PHACTR3: variants seen among roughly 807,000 people sequenced by gnomAD.
The protein encoded by PHACTR3 is phosphatase and actin regulator 3, also known as protein phosphatase 1, regulatory subunit 123.
PHACTR3 carries 16 observed loss-of-function variants against 66.8 expected under a neutral mutation model. The ratio of observed to expected loss-of-function variants is 0.24; its 90% CI spans 0.16 to 0.36. The LOEUF (loss-of-function observed/expected upper bound fraction) is 0.36, where lower values mean the gene tolerates loss of function less well. Among genes scored for constraint, PHACTR3 ranks in the 10% least tolerant of loss-of-function variants. The pLI is 1.00. For missense variants in PHACTR3, 647 were observed against 719.9 expected, an observed-to-expected ratio of 0.90 and a Z score of 1.16; for synonymous variants, 323 against 292.1, an observed-to-expected ratio of 1.11 and a Z score of -1.08.
intron 1 of PHACTR3, chr20:59,577,752 C>T (rs2032754702): frequency 1.9e-6 from 1 of 530,786 alleles, no homozygotes; most frequent in African/African-American, 2.0e-5. Flanking sequence ...CCGCTGCGCC[C>T]CCAGCCACAG....
chr20:59,637,798 C>T (rs764455131), intron 1 of PHACTR3, among the ~76,000 whole-genome samples: 1 of 151,486 alleles, frequency 6.6e-6, no homozygotes, highest in East Asian at 1.9e-4. Flanking sequence ...TCTTTTTGCT[C>T]GTTGAGAAGT....
chr20:59,634,282 C>T (rs1009235226), intron 1 of PHACTR3, among the ~76,000 whole-genome samples: 1 of 152,152 alleles, frequency 6.6e-6, no homozygotes, highest in Non-Finnish European at 1.5e-5. Context: ...GGTGTGAATC[C>T]CAGCCTCTGC....
chr20:59,816,270 G>A (rs2041885188), intron 8 of PHACTR3, among the ~76,000 whole-genome samples: 1 of 152,156 alleles, frequency 6.6e-6, no homozygotes, highest in African/African-American at 2.4e-5. Flanking sequence ...TGGAGCTAAG[G>A]CAGTAATGCT....
At chr20:59,626,902 C>T (rs915152103) in intron 1 of PHACTR3, 12 of 152,134 alleles carry the variant, frequency 7.9e-5, no homozygotes, top group African/African-American at 2.2e-4. Context: ...GGGTGATGAG[C>T]GCTGTATTGG....
At chr20:59,714,977 G>A (rs1374826062) in intron 1 of PHACTR3, among the ~76,000 whole-genome samples, 1 of 151,892 alleles carries the variant, frequency 6.6e-6, no homozygotes. Flanking sequence ...TAATTCTTTG[G>A]TTCTGGCATA....
At chr20:59,788,401 G>A (rs6100592) in intron 7 of PHACTR3, among the ~76,000 whole-genome samples, 148,375 of 152,176 alleles carry the variant, frequency 0.98, 72,365 homozygotes, top group East Asian at 1. Flanking sequence ...TGCCCCCCAC[G>A]CCTGGCAGCC....
intron 7 of PHACTR3, among the ~76,000 whole-genome samples, chr20:59,794,971 T>C (rs1023711648): frequency 5.3e-5 from 8 of 152,176 alleles, no homozygotes; most frequent in African/African-American, 1.9e-4. Context: ...CATTTGTTAA[T>C]CTTTTGTATT....
intron 1 of PHACTR3, among the ~76,000 whole-genome samples, chr20:59,675,018 ATTCTCCTCCCTGTTCCTCCCCC>A (rs2036402725): frequency 6.3e-5 from 3 of 47,770 alleles, no homozygotes; most frequent in South Asian, 1.1e-3. Context: ...GTTCCTCCCC[ATTCTCCTCCCTGTTCCTCCCCC>A]TTCTCCTCCC....
intron 8 of PHACTR3, among the ~76,000 whole-genome samples, chr20:59,824,689 G>A (rs902502223): frequency 3.3e-5 from 5 of 152,198 alleles, no homozygotes; most frequent in African/African-American, 1.2e-4. Flanking sequence ...CTTGGAACTG[G>A]AACTGGCAGG....
In PHACTR3 at chr20:59,665,117, A is replaced by C. The variant is rs146207693; in HGVS notation, c.118+59985A>C. On this transcript the variant is annotated intron_variant, in intron 1 of 12. Coordinates refer to ENST00000371015, the MANE Select transcript of PHACTR3 (RefSeq NM_080672.5). ...AAACTACAGGCATAAGCAGTCTTTC[A>C]GTAGAATACCCACTGTAGAAAAACT... Among the ~76,000 whole-genome samples, 684 of 152,370 alleles carry C rather than the reference A, an allele frequency of 4.5e-3. 7 individuals are homozygous for C. Among genetic ancestry groups the C allele is most frequent in the African/African-American group, 0.016 (656 of 41,594 alleles).
chr20:59,696,266 T>A (rs1018402921), intron 1 of PHACTR3, among the ~76,000 whole-genome samples: 6 of 152,134 alleles, frequency 3.9e-5, no homozygotes, highest in African/African-American at 1.4e-4. Flanking sequence ...CAACAGTAGA[T>A]GGTTATAAAG....
chr20:59,739,402 G>A (rs2039071093), intron 1 of PHACTR3, among the ~76,000 whole-genome samples: 1 of 152,152 alleles, frequency 6.6e-6, no homozygotes, highest in African/African-American at 2.4e-5. Context: ...AACTGCCCAA[G>A]ACTGCATGAT....
intron 1 of PHACTR3, among the ~76,000 whole-genome samples, chr20:59,696,432 C>T (rs980842926): frequency 1.3e-5 from 2 of 152,064 alleles, no homozygotes; most frequent in African/African-American, 2.4e-5. Context: ...TCAGGCCCGT[C>T]GGGAAGATAC....
chr20:59,804,744 G>A (rs983168011), intron 7 of PHACTR3, among the ~76,000 whole-genome samples: 2 of 152,154 alleles, frequency 1.3e-5, no homozygotes, highest in African/African-American at 4.8e-5. Context: ...GCAAACAATC[G>A]CATGTTAGAA....
rs2039560117 is a variant in PHACTR3 at position 59,751,060 on chromosome 20, CCT to C, written c.358+3229_358+3230del. 2.0e-5 allele frequency among the ~76,000 whole-genome samples: 3 copies of C among 152,326 alleles called. No individual in the cohort carries two copies. In the South Asian group the frequency reaches 6.2e-4, roughly 32 times the overall value. On this transcript the variant is annotated intron_variant, in intron 3 of 12. Transcript: ENST00000371015. The stretch of plus-strand genomic sequence containing the variant: ...TTGTTGGCGGTGGCTGTGCACCTGC[CCT>C]CTCCGGCTCAGGGGAGGATCAGGCT...
At chr20:59,628,546 C>T (rs942074272) in intron 1 of PHACTR3, 5 of 898,794 alleles carry the variant, frequency 5.6e-6, no homozygotes, top group Non-Finnish European at 6.7e-6. Flanking sequence ...ATTTCTGGCT[C>T]CTGGCTCCCA....
At chr20:59,645,363 TC>T (rs1364729791) in intron 1 of PHACTR3, among the ~76,000 whole-genome samples, 4 of 151,906 alleles carry the variant, frequency 2.6e-5, no homozygotes, top group African/African-American at 9.7e-5. Flanking sequence ...TCTTGTGGAA[TC>T]ATGAGGGAGG....
In PHACTR3 at chr20:59,786,600, T is replaced by C. The variant is rs79738563; in HGVS notation, c.1174+12110T>C. 4.1e-3 allele frequency among the ~76,000 whole-genome samples: 623 copies of C among 152,168 alleles called. 2 individuals carry two copies. Among genetic ancestry groups the C allele is most frequent in the African/African-American group, 0.014 (594 of 41,518 alleles). The stretch of plus-strand genomic sequence containing the variant: ...TAGCACAGCTGAGCAGTTAAAGGGG[T>C]ATATGGAGGGCCCTCTGTGCAGTTG... On this transcript the variant is annotated intron_variant, in intron 7 of 12. Transcript: ENST00000371015.
intron 7 of PHACTR3, among the ~76,000 whole-genome samples, chr20:59,797,104 A>T (rs1401318813): frequency 6.6e-6 from 1 of 151,918 alleles, no homozygotes; most frequent in Non-Finnish European, 1.5e-5. Context: ...ATTTTGCTTG[A>T]TCTAGTCTGT....
Sources: gnomAD v4.1 joint callset for allele counts (sites outside exome capture counted in the v4.1 genomes callset) on GRCh38, gnomAD v4.1.1 for gene constraint, MANE v1.5 for transcripts, NCBI Gene and HGNC (gene_info 2026-07-23, HGNC 2026-07-21) for gene names.